MAGI2: variants seen among roughly 807,000 people sequenced by gnomAD.
The protein encoded by MAGI2 is membrane-associated guanylate kinase, WW and PDZ domain-containing protein 2.
MAGI2 carries 35 observed loss-of-function variants against 133.3 expected under a neutral mutation model. That is an observed-to-expected ratio of 0.26 (90% CI 0.20 to 0.35). The LOEUF is 0.35. Among genes scored for constraint, MAGI2 ranks in the 10% least tolerant of loss-of-function variants. The pLI is 1.00. For missense variants in MAGI2, 1,636 were observed against 1,863.4 expected (o/e 0.88, Z 2.25); for synonymous variants, 729 against 710.6 (o/e 1.03, Z -0.41).
chr7:78,137,108 A>C (rs568788790), intron 16 of MAGI2, among the ~76,000 whole-genome samples: 1 of 151,842 alleles, frequency 6.6e-6, no homozygotes, highest in African/African-American at 2.4e-5. Context: ...ACTTTAAAAA[A>C]ATGATGTAGG....
rs189590266 is a variant in MAGI2, at chr7:78,510,292, G to T, written c.755-8505C>A. ...TGAACAAGTTATTTAATAACTCTGTGGATGCTTCAATTTTCTTAACTGTAC... is the reference window on the plus strand; with the variant it reads ...TGAACAAGTTATTTAATAACTCTGTTGATGCTTCAATTTTCTTAACTGTAC... On this transcript the variant is annotated intron_variant, in intron 4 of 21. Coordinates refer to ENST00000354212, the MANE Select transcript of MAGI2 (RefSeq NM_012301.4). 4.4e-3 allele frequency among the ~76,000 whole-genome samples: 677 copies of T among 152,234 alleles called. 8 individuals are homozygous for T. The highest frequency in any genetic ancestry group is 0.016 in the African/African-American group (647 of 41,548).
At chr7:78,139,439 A>G (rs1822515394) in intron 16 of MAGI2, among the ~76,000 whole-genome samples, 1 of 152,192 alleles carries the variant, frequency 6.6e-6, no homozygotes, top group South Asian at 2.1e-4. Context: ...GCTCAGTGAT[A>G]AGGTCTACAG....
intron 1 of MAGI2, among the ~76,000 whole-genome samples, chr7:79,187,264 TA>T (rs752279721): frequency 6.6e-6 from 1 of 151,780 alleles, no homozygotes; most frequent in Non-Finnish European, 1.5e-5. Context: ...AATTTAACCT[TA>T]TAATTCTATT....
intron 1 of MAGI2, among the ~76,000 whole-genome samples, chr7:79,244,018 G>T (rs1554417759): frequency 6.6e-6 from 1 of 150,992 alleles, no homozygotes; most frequent in East Asian, 1.9e-4. Flanking sequence ...AGAAACGAAA[G>T]AAAAAAAAAG....
chr7:79,023,815 A>G (rs1809582647), intron 1 of MAGI2, among the ~76,000 whole-genome samples: 3 of 152,184 alleles, frequency 2.0e-5, no homozygotes, highest in Admixed American at 2.0e-4. Context: ...ATTAGAAAAC[A>G]CTGCTCAAAT....
At chr7:79,358,107 T>TA (rs573380556) in intron 1 of MAGI2, among the ~76,000 whole-genome samples, 24 of 150,644 alleles carry the variant, frequency 1.6e-4, no homozygotes, top group Non-Finnish European at 2.2e-4. Context: ...GTCCCTACAT[T>TA]AAAAAAAAAG....
chr7:78,482,925 G>A (rs10277049), intron 6 of MAGI2, among the ~76,000 whole-genome samples: 1 of 135,152 alleles, frequency 7.4e-6, no homozygotes, highest in African/African-American at 2.8e-5. Context: ...ACACACACAC[G>A]AGTACTTGTA....
intron 12 of MAGI2, among the ~76,000 whole-genome samples, chr7:78,190,696 G>A (rs1166169328): frequency 6.6e-6 from 1 of 152,054 alleles, no homozygotes; most frequent in Non-Finnish European, 1.5e-5. Flanking sequence ...GGAGATGAGG[G>A]GGAGAAAACA....
At chr7:78,117,507 A>G (rs1819992522) in intron 20 of MAGI2, among the ~76,000 whole-genome samples, 1 of 152,108 alleles carries the variant, frequency 6.6e-6, no homozygotes, top group Non-Finnish European at 1.5e-5. Flanking sequence ...CTAGCAAACT[A>G]GTAATAGAAG....
intron 1 of MAGI2, among the ~76,000 whole-genome samples, chr7:79,432,113 G>T (rs1275235531): frequency 6.6e-6 from 1 of 152,186 alleles, no homozygotes; most frequent in East Asian, 1.9e-4. Context: ...TGGAAAACAA[G>T]CAAGTTACTA....
Position 79,323,731 on chromosome 7 carries a change from G to T in MAGI2, c.301+129289C>A, listed in dbSNP as rs919755718. Among the ~76,000 whole-genome samples the T allele has an allele frequency of 3.9e-5, 6 of 152,160 alleles. No homozygotes were observed. The South Asian group carries it at 1.2e-3, about 31-fold the overall frequency. The stretch of plus-strand genomic sequence containing the variant: ...GGGGTTAGAAGTGGGTAAGATGGAG[G>T]CAAGGAAACTCAAAAGCCAATTGGT... On this transcript the variant is annotated intron_variant, in intron 1 of 21. Coordinates refer to ENST00000354212, the MANE Select transcript of MAGI2 (RefSeq NM_012301.4).
chr7:78,260,826 GC>G (rs1793446988), intron 9 of MAGI2, among the ~76,000 whole-genome samples: 1 of 152,050 alleles, frequency 6.6e-6, no homozygotes, highest in Non-Finnish European at 1.5e-5. Context: ...GTTTGATGAA[GC>G]AGGAGCTTTA....
At chr7:79,157,941 A>AGTGAGTGTGTGT (rs1302532517) in intron 1 of MAGI2, among the ~76,000 whole-genome samples, 9 of 134,890 alleles carry the variant, frequency 6.7e-5, no homozygotes, top group Admixed American at 3.7e-4. Flanking sequence ...TCTTTGTGTG[A>AGTGAGTGTGTGT]GTGTGTGTGT....
At position 78,627,196 on chromosome 7, in the gene MAGI2, A is replaced by G. The variant is rs1584893230; in HGVS notation, c.462T>C (p.Asp154=). The G allele has an allele frequency of 6.3e-7, 1 of 1,592,288 alleles. No individual in the cohort carries two copies. The highest frequency in any genetic ancestry group is 1.7e-4 in the Middle Eastern group (1 of 6,008). The change falls in exon 3 of 22, where the codon GAT becomes GAC. Residue 154 remains aspartate, a synonymous_variant. Coordinates refer to ENST00000354212, the MANE Select transcript of MAGI2 (RefSeq NM_012301.4). ...PHKEGEVPGV[D]YIFITVEDFM... is the part of the protein sequence containing the mutation. Reference sequence around the variant, plus strand: ...AATCTTCAACAGTGATGAAAATATAATCCACTCCAGGGACCTCACCCTCCT... The same window carrying G: ...AATCTTCAACAGTGATGAAAATATAGTCCACTCCAGGGACCTCACCCTCCT...
At chr7:78,139,526 A>C (rs1005213683) in intron 16 of MAGI2, among the ~76,000 whole-genome samples, 2 of 152,322 alleles carry the variant, frequency 1.3e-5, no homozygotes, top group South Asian at 4.1e-4. Context: ...CTTGGTTTCT[A>C]TTATTGGGAT....
chr7:79,272,257 C>T (rs761731110), intron 1 of MAGI2, among the ~76,000 whole-genome samples: 16 of 152,068 alleles, frequency 1.1e-4, no homozygotes, highest in Admixed American at 3.9e-4. Flanking sequence ...TGGAATTCTA[C>T]TCTTTGACCA....
chr7:79,058,145 A>G (rs1813336933), intron 1 of MAGI2, among the ~76,000 whole-genome samples: 2 of 152,238 alleles, frequency 1.3e-5, no homozygotes, highest in South Asian at 2.1e-4. Context: ...CAACAAGGCA[A>G]AAGACCAGGG....
chr7:78,700,855 G>A (rs189313560), intron 2 of MAGI2, among the ~76,000 whole-genome samples: 1 of 151,386 alleles, frequency 6.6e-6, no homozygotes, highest in South Asian at 2.1e-4. Flanking sequence ...AATACACTCT[G>A]TCAAATGGGC....
chr7:78,664,898 C>T (rs1307305965), intron 2 of MAGI2, among the ~76,000 whole-genome samples: 1 of 151,950 alleles, frequency 6.6e-6, no homozygotes, highest in Non-Finnish European at 1.5e-5. Flanking sequence ...AAAAACAAAA[C>T]AATCACTCAT....
Sources: allele counts gnomAD v4.1 joint callset (sites outside exome capture counted in the v4.1 genomes callset), GRCh38; gene constraint gnomAD v4.1.1; transcripts MANE v1.5; gene names NCBI Gene and HGNC (gene_info 2026-07-23, HGNC 2026-07-21).